Variants in KIF11 observed in about 807,000 individuals in gnomAD.
The protein encoded by KIF11 is kinesin family member 11, also known as kinesin-like protein KIF11.
A neutral mutation model predicts 121.0 loss-of-function variants in KIF11; 9 were observed. The observed-to-expected ratio is 0.07, with a 90% confidence interval of 0.04 to 0.13. KIF11 has a LOEUF of 0.13. Among genes scored for constraint, KIF11 ranks in the 10% least tolerant of loss-of-function variants. The probability of loss-of-function intolerance (pLI) is 1.00; values close to 1 mark genes in which losing one functional copy is unlikely to be tolerated. For missense variants in KIF11, 846 were observed against 1,217.5 expected, an observed-to-expected ratio of 0.69 and a Z score of 4.54; for synonymous variants, 408 against 421.0, an observed-to-expected ratio of 0.97 and a Z score of 0.38.
At position 92,593,423 on chromosome 10, in the gene KIF11, G is replaced by A; in HGVS notation, c.48G>A (p.Gly16=). The change falls in exon 1 of 22, where the codon GGG becomes GGA. Residue 16 remains glycine, a synonymous_variant. Transcript: ENST00000260731. ...NSSAKKKEEK[G]KNIQVVVRCR... ...CTGCGAAGAAGAAAGAGGAGAAGGG[G>A]AAGAACATCCAGGTGGTGGTGAGAT... is the stretch of plus-strand genomic sequence containing the variant. The A allele has an allele frequency of 6.2e-7, 1 of 1,611,318 alleles. No individual in the cohort carries two copies. The highest frequency in any genetic ancestry group is 8.5e-7 in the Non-Finnish European group (1 of 1,179,016).
chr10:92,617,796 G>A (rs1242777660), intron 9 of KIF11, among the ~76,000 whole-genome samples: 1 of 151,420 alleles, frequency 6.6e-6, no homozygotes. Context: ...CTGGAGTGCA[G>A]TGGCACGATC....
At chr10:92,647,695 G>A (rs1044940605) in intron 18 of KIF11, among the ~76,000 whole-genome samples, 1 of 152,200 alleles carries the variant, frequency 6.6e-6, no homozygotes, top group African/African-American at 2.4e-5. Context: ...GGTTTATGGA[G>A]GAGTTGAGTG....
chr10:92,634,772 T>C (rs1217881985), intron 14 of KIF11, among the ~76,000 whole-genome samples: 1 of 152,156 alleles, frequency 6.6e-6, no homozygotes, highest in African/African-American at 2.4e-5. Flanking sequence ...GACTTGTTAG[T>C]TGGCCCAGAA....
intron 10 of KIF11, among the ~76,000 whole-genome samples, chr10:92,627,093 A>G (rs533078620): frequency 6.6e-6 from 1 of 152,304 alleles, no homozygotes; most frequent in South Asian, 2.1e-4. Flanking sequence ...AAAAGCTAAT[A>G]TATTTCATCA....
chr10:92,614,987 G>A (rs1192829554), intron 8 of KIF11, among the ~76,000 whole-genome samples: 1 of 152,016 alleles, frequency 6.6e-6, no homozygotes, highest in Non-Finnish European at 1.5e-5. Flanking sequence ...TAGAGACAGA[G>A]GTCTCACTAT....
chr10:92,652,076 G>A (rs1844992996), intron 21 of KIF11, among the ~76,000 whole-genome samples: 1 of 149,114 alleles, frequency 6.7e-6, no homozygotes, highest in African/African-American at 2.5e-5. Flanking sequence ...CTCCCAAAAT[G>A]CTAGGATTAC....
intron 4 of KIF11, among the ~76,000 whole-genome samples, chr10:92,608,501 C>T (rs57299222): frequency 0.043 from 6,480 of 150,986 alleles, 175 homozygotes; most frequent in Admixed American, 0.064. Context: ...TACAGTGGCT[C>T]GATCTTGGCT....
At chr10:92,624,839 G>A (rs1346336636) in intron 10 of KIF11, among the ~76,000 whole-genome samples, 2 of 149,456 alleles carry the variant, frequency 1.3e-5, no homozygotes, top group African/African-American at 4.9e-5. Context: ...GCACAATCTC[G>A]GCTCACTGCA....
chr10:92,607,334 A>G (rs1844441088), intron 4 of KIF11, 97 bp downstream of exon 4: 1 of 670,168 alleles, frequency 1.5e-6, no homozygotes, highest in Admixed American at 2.7e-5. Flanking sequence ...TAGAGATCAG[A>G]GTACCTATGT....
intron 4 of KIF11, among the ~76,000 whole-genome samples, chr10:92,608,169 G>T (rs1438353209): frequency 6.8e-6 from 1 of 148,098 alleles, no homozygotes; most frequent in Non-Finnish European, 1.5e-5. Context: ...AAGTGATGGG[G>T]TCCCACTGTG....
Position 92,639,862 on chromosome 10 carries a change from A to G in KIF11, c.2229A>G (p.Ile743Met). 3.7e-6 allele frequency: 6 copies of G among 1,609,590 alleles called. No individual in the cohort carries two copies. Among genetic ancestry groups the G allele is most frequent in the Non-Finnish European group, 5.1e-6 (6 of 1,176,474 alleles). ...FCALEEKCEN[I>M]QKPLSSVQEN... ...CTTTGGAGGAAAAGTGTGAAAATATACAGAAACCACTTAGTAGTGTCCAGG... is the reference window on the plus strand; with the variant it reads ...CTTTGGAGGAAAAGTGTGAAAATATGCAGAAACCACTTAGTAGTGTCCAGG... Residue 743 changes from isoleucine (I) to methionine (M), a missense_variant, in exon 17 of 22, where the codon ATA becomes ATG. Ile to Met is a conservative substitution (Grantham distance 10, BLOSUM62 1). This residue lies in a region of KIF11 where 492 missense variants were observed against 603.4 expected (regional missense o/e 0.82). Transcript: ENST00000260731.
intron 14 of KIF11, among the ~76,000 whole-genome samples, chr10:92,634,635 T>A (rs1844778641): frequency 6.6e-6 from 1 of 152,232 alleles, no homozygotes; most frequent in Non-Finnish European, 1.5e-5. Context: ...CCAGAAAGAT[T>A]ATTTTCAAAT....
At chr10:92,611,323 C>G (rs1468951369) in intron 6 of KIF11, among the ~76,000 whole-genome samples, 1 of 151,974 alleles carries the variant, frequency 6.6e-6, no homozygotes, top group Non-Finnish European at 1.5e-5. Flanking sequence ...CGCCATTCTC[C>G]TGCCTCAGCC....
chr10:92,604,603 T>G (rs1455033557), intron 1 of KIF11, among the ~76,000 whole-genome samples: 4 of 152,194 alleles, frequency 2.6e-5, no homozygotes, highest in African/African-American at 9.6e-5. Flanking sequence ...AGATTTGGTC[T>G]TCTGATCACT....
intron 1 of KIF11, among the ~76,000 whole-genome samples, chr10:92,602,064 T>G (rs1331446274): frequency 4.6e-5 from 7 of 152,200 alleles, no homozygotes; most frequent in Non-Finnish European, 1.0e-4. Context: ...GTATATTACA[T>G]TGATCAATTT....
intron 8 of KIF11, among the ~76,000 whole-genome samples, chr10:92,614,425 A>G (rs968793377): frequency 1.1e-4 from 17 of 152,152 alleles, no homozygotes; most frequent in Non-Finnish European, 2.4e-4. Flanking sequence ...TATAATGTAA[A>G]AGAATCTGGA....
In KIF11 at chr10:92,632,459, G is replaced by C. The variant is rs751077946; in HGVS notation, c.1495-27G>C. 7 of 1,401,072 alleles carry C rather than the reference G, an allele frequency of 5.0e-6. No individual in the cohort carries two copies. In the South Asian group the frequency reaches 8.2e-5, roughly 16 times the overall value. The allele number at this position is 1,401,072 out of a possible 1,614,324, so 86.8% of individuals were successfully genotyped here. ...AGATTCCTTTCACCGTATCCATTTT[G>C]TCTAACACTTATTTTTAAAAATATA... On this transcript the variant is annotated intron_variant, in intron 12 of 21. Transcript: ENST00000260731.
intron 20 of KIF11, 87 bp from the exon 21 acceptor site, chr10:92,650,314 G>A: frequency 1.3e-6 from 1 of 747,778 alleles, no homozygotes. Context: ...TATACCATGG[G>A]CATTGTGTTA....
intron 1 of KIF11, chr10:92,597,035 C>A: frequency 2.5e-6 from 1 of 393,064 alleles, no homozygotes; most frequent in Non-Finnish European, 5.1e-6. Context: ...CCTGGATCTC[C>A]AAACCAAAGT....
Sources: allele counts gnomAD v4.1 joint callset (sites outside exome capture counted in the v4.1 genomes callset), GRCh38; gene constraint gnomAD v4.1.1; regional missense constraint gnomAD v4.1.1; transcripts MANE v1.5; gene names NCBI Gene and HGNC (gene_info 2026-07-23, HGNC 2026-07-21).